The following IMPA2 variants were observed in gnomAD, a reference collection of about 807,000 sequenced individuals.
IMPA2 encodes IMP 2.
In IMPA2, 32 loss-of-function variants were observed where a neutral mutation model predicts 35.1. That is an observed-to-expected ratio of 0.91 (90% CI 0.69 to 1.23). The LOEUF is 1.23. Ranked by LOEUF, IMPA2 falls within the 50% of genes most tolerant of loss-of-function variation. IMPA2 has a pLI of 0.00. For synonymous variants in IMPA2, 135 were observed against 160.6 expected, an observed-to-expected ratio of 0.84 and a Z score of 1.20; for missense variants, 334 against 387.6, an observed-to-expected ratio of 0.86 and a Z score of 1.16.
At chr18:12,009,755 G>A in intron 2 of IMPA2, 128 bp from the exon 3 acceptor site, 1 of 726,626 alleles carries the variant, frequency 1.4e-6, no homozygotes, top group South Asian at 1.6e-5. Flanking sequence ...GCCTCTGTTT[G>A]ACCCAGAGAA....
chr18:11,986,293 C>T (rs1906663921), intron 1 of IMPA2, among the ~76,000 whole-genome samples: 1 of 152,256 alleles, frequency 6.6e-6, no homozygotes, highest in South Asian at 2.1e-4. Context: ...TATTTTCTTG[C>T]CTTTCTTCTG....
At chr18:12,007,750 C>T (rs976685247) in intron 2 of IMPA2, among the ~76,000 whole-genome samples, 25 of 138,832 alleles carry the variant, frequency 1.8e-4, no homozygotes, top group African/African-American at 6.8e-4. Context: ...CCTTCCTTCC[C>T]TTCCTTCTTT....
At chr18:12,019,007 G>A (rs1028269747) in intron 5 of IMPA2, among the ~76,000 whole-genome samples, 1 of 151,688 alleles carries the variant, frequency 6.6e-6, no homozygotes, top group Non-Finnish European at 1.5e-5. Context: ...AAATATTTTT[G>A]TAGAGACAGG....
At chr18:11,995,595 C>G (rs976530680) in intron 1 of IMPA2, among the ~76,000 whole-genome samples, 1 of 152,178 alleles carries the variant, frequency 6.6e-6, no homozygotes, top group African/African-American at 2.4e-5. Flanking sequence ...AGGGCGCCAC[C>G]AAGTGCTCTG....
intron 2 of IMPA2, among the ~76,000 whole-genome samples, chr18:12,003,863 C>T (rs1364791155): frequency 1.3e-5 from 2 of 152,006 alleles, no homozygotes; most frequent in Admixed American, 1.3e-4. Flanking sequence ...AGTAGCATCC[C>T]TGAGCTATAG....
chr18:12,007,620 T>TTCTTTCTC (rs1568032816), intron 2 of IMPA2, among the ~76,000 whole-genome samples: 6 of 112,506 alleles, frequency 5.3e-5, no homozygotes, highest in South Asian at 3.2e-4. Flanking sequence ...CTTTCTTTCT[T>TTCTTTCTC]TTTCTTTCTT....
chr18:12,023,214 A>G (rs912071926), intron 5 of IMPA2, among the ~76,000 whole-genome samples: 14 of 152,148 alleles, frequency 9.2e-5, no homozygotes, highest in Non-Finnish European at 2.9e-5. Flanking sequence ...ACAAACAGGA[A>G]AACTATGGAA....
chr18:12,029,308 G>A (rs1907980189), intron 7 of IMPA2, among the ~76,000 whole-genome samples: 1 of 151,614 alleles, frequency 6.6e-6, no homozygotes, highest in African/African-American at 2.4e-5. Flanking sequence ...TAGAGACGGG[G>A]TTTCATGGTG....
In IMPA2 at chr18:12,010,579, G is replaced by T. The variant is rs116376876; in HGVS notation, c.335+592G>T. Among the ~76,000 whole-genome samples, 1 of 152,170 alleles carries T rather than the reference G, an allele frequency of 6.6e-6. No homozygotes were observed. Among genetic ancestry groups the T allele is most frequent in the East Asian group, 1.9e-4 (1 of 5,194 alleles). On this transcript the variant is annotated intron_variant, in intron 3 of 7. Transcript: ENST00000269159. This position sits in a 1 kb window ranked among gnomAD's most constrained non-coding sequence, Gnocchi z 4.8. ...TGGCAGTGGCAGGTGATGGTGCTGC[G>T]CTGCCTGTCTACACGCACAGGTGGC... is the stretch of plus-strand genomic sequence containing the variant.
intron 1 of IMPA2, among the ~76,000 whole-genome samples, chr18:11,997,749 G>A (rs1187540784): frequency 6.6e-6 from 1 of 152,208 alleles, no homozygotes; most frequent in Non-Finnish European, 1.5e-5. Context: ...CCAATTGATG[G>A]TCCTTTTGAG....
At chr18:12,000,770 C>G (rs1047869764) in intron 2 of IMPA2, among the ~76,000 whole-genome samples, 1 of 151,292 alleles carries the variant, frequency 6.6e-6, no homozygotes, top group Non-Finnish European at 1.5e-5. Context: ...TGCCCGCCAC[C>G]ACGCCCAGCT....
At chr18:12,008,639 G>A (rs1442129754) in intron 2 of IMPA2, 1 of 440,462 alleles carries the variant, frequency 2.3e-6, no homozygotes, top group Non-Finnish European at 4.6e-6. Flanking sequence ...GTGTGTGTGG[G>A]CCTGCGTGTG....
intron 1 of IMPA2, among the ~76,000 whole-genome samples, chr18:11,987,440 C>T (rs1006337752): frequency 2.0e-5 from 3 of 152,190 alleles, no homozygotes; most frequent in Non-Finnish European, 4.4e-5. Context: ...AAGTGATTCT[C>T]CTGCCTCAGC....
intron 4 of IMPA2, chr18:12,012,472 G>T: frequency 1.9e-6 from 1 of 513,386 alleles, no homozygotes; most frequent in Non-Finnish European, 3.5e-6. Flanking sequence ...TGGTCTATTT[G>T]TGACACTGCT....
rs1223743586 is a variant in IMPA2, at chr18:11,991,047, C to T, written c.97-8007C>T. On this transcript the variant is annotated intron_variant, in intron 1 of 7. Coordinates refer to ENST00000269159, the MANE Select transcript of IMPA2 (RefSeq NM_014214.3). The surrounding 1 kb of genome is among the most constrained non-coding windows in gnomAD (Gnocchi z 4.1). ...CAGGGTGTGAGGTGGAGGCCATCTC[C>T]AGGAAGCTCAGCTGCTGAAGGCAGG... Among the ~76,000 whole-genome samples the T allele has an allele frequency of 2.0e-5, 3 of 152,232 alleles. No individual in the cohort carries two copies. The highest frequency in any genetic ancestry group is 2.9e-5 in the Non-Finnish European group (2 of 68,036).
intron 1 of IMPA2, among the ~76,000 whole-genome samples, chr18:11,990,874 T>G (rs636300): frequency 0.38 from 57,646 of 152,102 alleles, 12,290 homozygotes; most frequent in East Asian, 0.61. Flanking sequence ...CCATTTCTTT[T>G]TGCCTCCGTT....
chr18:12,025,511 G>A (rs1016723523), intron 5 of IMPA2, among the ~76,000 whole-genome samples: 2 of 152,212 alleles, frequency 1.3e-5, no homozygotes, highest in Admixed American at 6.5e-5. Context: ...AGTTCCTGTT[G>A]CTCCACATCC....
intron 1 of IMPA2, chr18:11,993,972 C>G (rs1385861295): frequency 6.6e-6 from 1 of 152,236 alleles, no homozygotes; most frequent in African/African-American, 2.4e-5. Context: ...GTAGGAGGTA[C>G]AGGCATGTTC....
chr18:11,989,289 C>T (rs1033536883), intron 1 of IMPA2, among the ~76,000 whole-genome samples: 19 of 152,170 alleles, frequency 1.2e-4, no homozygotes, highest in Non-Finnish European at 5.9e-5. Context: ...CTGGGCTGAG[C>T]GCACCTGTCG....
Sources: gnomAD v4.1 joint callset for allele counts (sites outside exome capture counted in the v4.1 genomes callset) on GRCh38, gnomAD v4.1.1 for gene constraint, Gnocchi (gnomAD v3.1) non-coding constraint, MANE v1.5 for transcripts, NCBI Gene and HGNC (gene_info 2026-07-23, HGNC 2026-07-21) for gene names.